The following DLGAP2 variants were observed in gnomAD, a reference collection of about 807,000 sequenced individuals.
DLGAP2 encodes the protein DLG associated protein 2.
DLGAP2 carries 26 observed loss-of-function variants against 100.3 expected under a neutral mutation model. That is an observed-to-expected ratio of 0.26 (90% CI 0.19 to 0.36). The LOEUF (loss-of-function observed/expected upper bound fraction) is 0.36, where lower values mean the gene tolerates loss of function less well. DLGAP2 is among the 10% of genes least tolerant of loss of function. DLGAP2 has a pLI of 1.00. For synonymous variants in DLGAP2, 886 were observed against 630.1 expected (o/e 1.41, Z -6.08); for missense variants, 1,858 against 1,453.2 (o/e 1.28, Z -4.53).
chr8:1,141,814 G>A (rs965392866), intron 2 of DLGAP2, among the ~76,000 whole-genome samples: 1 of 152,074 alleles, frequency 6.6e-6, no homozygotes, highest in East Asian at 1.9e-4. Context: ...GAATACTAAT[G>A]ATATTTATAC....
intron 1 of DLGAP2, chr8:738,962 C>G (rs956823194): frequency 1.3e-5 from 2 of 154,018 alleles, no homozygotes; most frequent in Admixed American, 6.5e-5. Context: ...GCCCTGCGCG[C>G]TTGGAGCCCG....
rs149596058 is a variant in DLGAP2 at position 1,640,595 on chromosome 8, A to T, written c.1810+7549A>T. Among the ~76,000 whole-genome samples, 4 of 152,194 alleles carry T rather than the reference A, an allele frequency of 2.6e-5. No individual in the cohort carries two copies. The East Asian group carries it at 7.8e-4, about 30-fold the overall frequency. Reference sequence around the variant, plus strand: ...ATGAAGCCCCAAGAATCCTTCAGCAAAGCTCCATGTTGCAAACTAAAGCCC... The same window carrying T: ...ATGAAGCCCCAAGAATCCTTCAGCATAGCTCCATGTTGCAAACTAAAGCCC... On this transcript the variant is annotated intron_variant, in intron 8 of 14. Coordinates refer to ENST00000637795, the MANE Select transcript of DLGAP2 (RefSeq NM_001346810.2).
intron 2 of DLGAP2, among the ~76,000 whole-genome samples, chr8:1,093,057 AGCTGAGGCTG>A (rs1804237644): frequency 6.6e-6 from 1 of 152,122 alleles, no homozygotes; most frequent in Non-Finnish European, 1.5e-5. Flanking sequence ...TGAGGCTGGC[AGCTGAGGCTG>A]AAAACCGAGG....
At chr8:1,467,181 G>T (rs144085533) in intron 3 of DLGAP2, among the ~76,000 whole-genome samples, 1 of 152,114 alleles carries the variant, frequency 6.6e-6, no homozygotes, top group African/African-American at 2.4e-5. Flanking sequence ...GGTCCAGCAG[G>T]GGCCCAGGAG....
chr8:1,500,251 C>T (rs1301689296), intron 3 of DLGAP2, among the ~76,000 whole-genome samples: 2 of 152,250 alleles, frequency 1.3e-5, no homozygotes, highest in African/African-American at 4.8e-5. Context: ...CAGGCCACTC[C>T]CCACACCACT....
At chr8:1,286,622 C>G (rs985679775) in intron 3 of DLGAP2, among the ~76,000 whole-genome samples, 3 of 152,210 alleles carry the variant, frequency 2.0e-5, no homozygotes, top group Non-Finnish European at 4.4e-5. Context: ...ATGATCTAGT[C>G]TGACCTGAAC....
rs181043985 is a variant in DLGAP2 at position 1,054,189 on chromosome 8, C to T, written c.73+146223C>T. On this transcript the variant is annotated intron_variant, in intron 2 of 14. Coordinates refer to ENST00000637795, the MANE Select transcript of DLGAP2 (RefSeq NM_001346810.2). Reference sequence around the variant, plus strand: ...AGGCATGAATGCACGCACACATGTACACGCACGCACACACAGATCCACACG... The same window carrying T: ...AGGCATGAATGCACGCACACATGTATACGCACGCACACACAGATCCACACG... Among the ~76,000 whole-genome samples, 117 of 150,822 alleles carry T rather than the reference C, an allele frequency of 7.8e-4. 1 individual carries two copies. The highest frequency in any genetic ancestry group is 2.7e-3 in the African/African-American group (112 of 41,024).
intron 3 of DLGAP2, among the ~76,000 whole-genome samples, chr8:1,362,689 A>T (rs554468585): frequency 6.6e-6 from 1 of 152,236 alleles, no homozygotes; most frequent in South Asian, 2.1e-4. Flanking sequence ...CCCCGAAATA[A>T]CCTAAATCTA....
chr8:1,045,005 T>C (rs977184598), intron 2 of DLGAP2, among the ~76,000 whole-genome samples: 1 of 152,244 alleles, frequency 6.6e-6, no homozygotes, highest in Non-Finnish European at 1.5e-5. Context: ...AAGGTCCTTG[T>C]CATTTCCTCA....
At chr8:1,458,545 G>C (rs1306170478) in intron 3 of DLGAP2, among the ~76,000 whole-genome samples, 5 of 152,176 alleles carry the variant, frequency 3.3e-5, no homozygotes, top group African/African-American at 1.2e-4. Context: ...TAATGGTTCA[G>C]ACTTCAGGGA....
chr8:1,102,427 T>G (rs907902206), intron 2 of DLGAP2, among the ~76,000 whole-genome samples: 13 of 150,988 alleles, frequency 8.6e-5, no homozygotes, highest in African/African-American at 3.2e-4. Flanking sequence ...AGTCACTCAG[T>G]GATTGGCATG....
At chr8:1,700,194 G>C (rs1041062549) in intron 14 of DLGAP2, among the ~76,000 whole-genome samples, 3 of 152,162 alleles carry the variant, frequency 2.0e-5, no homozygotes, top group African/African-American at 7.2e-5. Context: ...AAGCACCTCT[G>C]GGCTCCCTTT....
intron 3 of DLGAP2, among the ~76,000 whole-genome samples, chr8:1,441,497 G>A (rs1029234284): frequency 5.3e-5 from 8 of 151,956 alleles, no homozygotes; most frequent in African/African-American, 2.4e-5. Context: ...AGACCATCCT[G>A]GCAAACATGG....
At chr8:1,009,432 G>C (rs962106037) in intron 2 of DLGAP2, among the ~76,000 whole-genome samples, 1 of 152,184 alleles carries the variant, frequency 6.6e-6, no homozygotes, top group Admixed American at 6.5e-5. Context: ...GAATTAGATT[G>C]TTATTCAGAG....
intron 3 of DLGAP2, among the ~76,000 whole-genome samples, chr8:1,279,433 C>G (rs944718248): frequency 1.3e-5 from 2 of 152,148 alleles, no homozygotes; most frequent in Non-Finnish European, 2.9e-5. Context: ...TAGATGTGTT[C>G]AAAACTAAGC....
chr8:1,571,620 G>C (rs935003070), intron 6 of DLGAP2, among the ~76,000 whole-genome samples: 6 of 135,000 alleles, frequency 4.4e-5, no homozygotes, highest in African/African-American at 1.7e-4. Flanking sequence ...ACGGAGAGGA[G>C]AGAGGGGGTG....
At position 1,083,463 on chromosome 8, in the gene DLGAP2, C is replaced by A. The variant is rs551649494; in HGVS notation, c.74-175388C>A. On this transcript the variant is annotated intron_variant, in intron 2 of 14. Transcript: ENST00000637795. ...AAGTCATTTTAACTTTTATGACGTT[C>A]GAGTTTGTGTTGACCTTTTAGTGCC... Among the ~76,000 whole-genome samples, 4 of 152,230 alleles carry A rather than the reference C, an allele frequency of 2.6e-5. No homozygotes were observed. The East Asian group carries it at 7.7e-4, about 29-fold the overall frequency.
intron 3 of DLGAP2, among the ~76,000 whole-genome samples, chr8:1,298,834 G>T (rs146020394): frequency 6.6e-6 from 1 of 152,196 alleles, no homozygotes. Context: ...CTCATGAACA[G>T]GTGCTGGTAA....
chr8:1,669,390 T>TC (rs1798630119), intron 9 of DLGAP2, among the ~76,000 whole-genome samples: 2 of 152,226 alleles, frequency 1.3e-5, no homozygotes, highest in Middle Eastern at 3.2e-3. Flanking sequence ...AGGTGCAGTG[T>TC]TGTGCACCCA....
Sources: gnomAD v4.1 joint callset for allele counts (sites outside exome capture counted in the v4.1 genomes callset) on GRCh38, gnomAD v4.1.1 for gene constraint, MANE v1.5 for transcripts, NCBI Gene and HGNC (gene_info 2026-07-23, HGNC 2026-07-21) for gene names.